The following CSMD1 variants were observed in gnomAD, a reference collection of about 807,000 sequenced individuals.
CSMD1 encodes the protein CUB and Sushi multiple domains 1.
In CSMD1, 213 loss-of-function variants were observed where a neutral mutation model predicts 417.5. That is an observed-to-expected ratio of 0.51 (90% CI 0.46 to 0.57). The LOEUF is 0.57. Among genes scored for constraint, CSMD1 ranks in the 20% least tolerant of loss-of-function variants. The probability of loss-of-function intolerance (pLI) is 0.00; values close to 1 mark genes in which losing one functional copy is unlikely to be tolerated. For synonymous variants in CSMD1, 2,862 were observed against 1,736.8 expected (o/e 1.65, Z -16.11); for missense variants, 6,923 against 4,529.7 (o/e 1.53, Z -15.17).
chr8:4,635,690 A>G (rs539594246), intron 2 of CSMD1, among the ~76,000 whole-genome samples: 2 of 152,252 alleles, frequency 1.3e-5, no homozygotes, highest in South Asian at 2.1e-4. Flanking sequence ...ATACACTACT[A>G]TACCCTAGTA....
chr8:3,278,152 A>G (rs1802447988), intron 26 of CSMD1, among the ~76,000 whole-genome samples: 1 of 152,218 alleles, frequency 6.6e-6, no homozygotes, highest in African/African-American at 2.4e-5. Context: ...GAGGAACAAG[A>G]GAGAATAATA....
At chr8:3,504,238 A>G (rs1796729655) in intron 10 of CSMD1, among the ~76,000 whole-genome samples, 1 of 122,730 alleles carries the variant, frequency 8.1e-6, no homozygotes, top group African/African-American at 3.4e-5. Context: ...TGTATTAATT[A>G]ACAATTTCTT....
chr8:3,158,100 T>C (rs1231390753), intron 38 of CSMD1, 134 bp from the exon 39 acceptor site: 4 of 736,912 alleles, frequency 5.4e-6, no homozygotes, highest in Non-Finnish European at 8.9e-6. Context: ...AATTGTGAAA[T>C]CTGTTTTTAG....
intron 12 of CSMD1, among the ~76,000 whole-genome samples, chr8:3,445,026 G>A (rs1815213461): frequency 6.6e-6 from 1 of 152,154 alleles, no homozygotes. Flanking sequence ...CCAAGTCACA[G>A]AAACTTTCTT....
chr8:4,306,540 T>C (rs564119263), intron 3 of CSMD1, among the ~76,000 whole-genome samples: 1 of 152,246 alleles, frequency 6.6e-6, no homozygotes, highest in East Asian at 1.9e-4. Context: ...GAAGACAAAA[T>C]TTTCTTCCTT....
intron 1 of CSMD1, among the ~76,000 whole-genome samples, chr8:4,776,995 G>A (rs1360322849): frequency 2.6e-5 from 4 of 152,044 alleles, no homozygotes; most frequent in African/African-American, 9.7e-5. Context: ...GCGTATTCTT[G>A]TAAAACAGGT....
intron 1 of CSMD1, among the ~76,000 whole-genome samples, chr8:4,977,285 C>T (rs1036449353): frequency 1.3e-5 from 2 of 152,166 alleles, no homozygotes; most frequent in Non-Finnish European, 2.9e-5. Flanking sequence ...ACTTAACATT[C>T]TTCCTGAAAT....
At chr8:3,573,611 G>A (rs537512432) in intron 10 of CSMD1, among the ~76,000 whole-genome samples, 1 of 152,052 alleles carries the variant, frequency 6.6e-6, no homozygotes, top group Non-Finnish European at 1.5e-5. Context: ...AAAACCAAAG[G>A]CATCTGTGAT....
Position 4,593,748 on chromosome 8 carries a change from G to A in CSMD1, c.302+43594C>T, listed in dbSNP as rs1013510120. The stretch of plus-strand genomic sequence containing the variant: ...TTTTTCCAACAATTCCTAGCTATAT[G>A]CAACATCATTTCCATTTTGCAAAAA... On this transcript the variant is annotated intron_variant, in intron 2 of 69. Coordinates refer to ENST00000635120, the MANE Select transcript of CSMD1 (RefSeq NM_033225.6). Among the ~76,000 whole-genome samples, 5 of 152,066 alleles carry A rather than the reference G, an allele frequency of 3.3e-5. No homozygotes were observed. In the South Asian group the frequency reaches 1.0e-3, roughly 32 times the overall value.
At chr8:3,487,772 T>A (rs934945703) in intron 11 of CSMD1, among the ~76,000 whole-genome samples, 2 of 152,162 alleles carry the variant, frequency 1.3e-5, no homozygotes, top group African/African-American at 4.8e-5. Flanking sequence ...GCTTACAAAT[T>A]ACACTAAGTG....
chr8:4,384,117 G>C, intron 3 of CSMD1, among the ~76,000 whole-genome samples: 1 of 152,106 alleles, frequency 6.6e-6, no homozygotes, highest in East Asian at 1.9e-4. Context: ...ATCAACACAG[G>C]CTTCAGCTTT....
At chr8:3,730,927 T>C (rs1796212839) in intron 6 of CSMD1, among the ~76,000 whole-genome samples, 1 of 152,184 alleles carries the variant, frequency 6.6e-6, no homozygotes, top group Non-Finnish European at 1.5e-5. Context: ...GTGCCATTTC[T>C]TGCCAAAGGT....
At chr8:4,859,952 C>T (rs1249278875) in intron 1 of CSMD1, among the ~76,000 whole-genome samples, 1 of 152,134 alleles carries the variant, frequency 6.6e-6, no homozygotes, top group Admixed American at 6.5e-5. Flanking sequence ...TATAAAGACA[C>T]ATGCACACAT....
chr8:3,386,020 G>T lies in CSMD1; in HGVS notation c.2782+1474C>A, dbSNP rs62503516. 4.2e-3 allele frequency among the ~76,000 whole-genome samples: 646 copies of T among 152,228 alleles called. 16 individuals carry two copies. The highest frequency in any genetic ancestry group is 0.04 in the Admixed American group (606 of 15,284). On this transcript the variant is annotated intron_variant, in intron 18 of 69. Transcript: ENST00000635120. Reference sequence around the variant, plus strand: ...TGTCTAAATTCTTACTGTCTTTCCTGCTGCAATAGTAATTCTTAGCTCATT... The same window carrying T: ...TGTCTAAATTCTTACTGTCTTTCCTTCTGCAATAGTAATTCTTAGCTCATT...
intron 1 of CSMD1, among the ~76,000 whole-genome samples, chr8:4,949,945 T>G (rs911100672): frequency 6.6e-6 from 1 of 152,046 alleles, no homozygotes; most frequent in Non-Finnish European, 1.5e-5. Context: ...CTATCTACAT[T>G]GCAAGAATAT....
intron 7 of CSMD1, among the ~76,000 whole-genome samples, chr8:3,632,917 G>C (rs957305421): frequency 6.6e-6 from 1 of 152,196 alleles, no homozygotes; most frequent in African/African-American, 2.4e-5. Flanking sequence ...GAAGCAAGGG[G>C]CTTCAAAATT....
intron 49 of CSMD1, among the ~76,000 whole-genome samples, chr8:3,082,210 C>G (rs568417327): frequency 2.0e-5 from 3 of 152,210 alleles, no homozygotes; most frequent in African/African-American, 7.2e-5. Context: ...GTCTTCCAGA[C>G]AGGATGCGTG....
intron 7 of CSMD1, among the ~76,000 whole-genome samples, chr8:3,681,040 A>C (rs1196155233): frequency 6.6e-6 from 1 of 152,198 alleles, no homozygotes; most frequent in Non-Finnish European, 1.5e-5. Context: ...GACGTATCTC[A>C]AACTAATAAG....
intron 5 of CSMD1, among the ~76,000 whole-genome samples, chr8:3,878,234 G>C (rs368951603): frequency 1.3e-5 from 2 of 152,142 alleles, no homozygotes; most frequent in East Asian, 3.9e-4. Flanking sequence ...GAGAAGTCGA[G>C]ATGATAATTT....
Sources: allele counts gnomAD v4.1 joint callset (sites outside exome capture counted in the v4.1 genomes callset), GRCh38; gene constraint gnomAD v4.1.1; transcripts MANE v1.5; gene names NCBI Gene and HGNC (gene_info 2026-07-23, HGNC 2026-07-21).